UTP14A: variants seen among roughly 807,000 people sequenced by gnomAD.
UTP14A encodes UTP14A small subunit processome component.
A neutral mutation model predicts 57.2 loss-of-function variants in UTP14A; 5 were observed. The ratio of observed to expected loss-of-function variants is 0.09; its 90% CI spans 0.05 to 0.18. The LOEUF is 0.18. Among genes scored for constraint, UTP14A ranks in the 10% least tolerant of loss-of-function variants. UTP14A has a pLI of 1.00. For synonymous variants in UTP14A, 169 were observed against 210.9 expected (o/e 0.80, Z 1.72); for missense variants, 430 against 562.1 (o/e 0.76, Z 2.38).
intron 6 of UTP14A, chrX:129,913,488 C>A (rs934913949): frequency 9.8e-6 from 3 of 306,429 alleles, no homozygotes; most frequent in African/African-American, 8.3e-5. Context: ...ATCATTTTTA[C>A]CCCCATACTC....
chrX:129,922,001 A>T (rs1376624368), intron 11 of UTP14A: 1 of 123,295 alleles, frequency 8.1e-6, no homozygotes, highest in African/African-American at 3.2e-5. Context: ...GACATTAGGA[A>T]ACATTGTCTA....
chrX:129,924,817 G>A lies in UTP14A; in HGVS notation c.1371G>A (p.Leu457=), dbSNP rs373160231. ...ETKDSGSQEV[L]SELRVLSQKL... ...CAGATTCTGGCAGCCAGGAGGTGCT[G>A]TCTGAATTGAGAGTACTATCTCAGA... The change falls in exon 12 of 15, where the codon CTG becomes CTA. Residue 457 remains leucine (L), a synonymous_variant. Transcript: ENST00000394422. The A allele has an allele frequency of 1.6e-4, 187 of 1,198,630 alleles. No homozygotes were observed. Among genetic ancestry groups the A allele is most frequent in the Non-Finnish European group, 2.0e-4 (181 of 892,546 alleles).
At position 129,911,667 on chromosome X, in the gene UTP14A, T is replaced by C. The variant is rs751270542; in HGVS notation, c.382-99T>C. The stretch of plus-strand genomic sequence containing the variant: ...CTGATTCTAGCATCCTGATTCTTTC[T>C]TGGGCTAAGAAATGTTGCTTCCTAA... On this transcript the variant is annotated intron_variant, in intron 5 of 14. Coordinates refer to ENST00000394422, the MANE Select transcript of UTP14A (RefSeq NM_006649.4). 4 of 1,021,657 alleles carry C rather than the reference T, an allele frequency of 3.9e-6. No homozygotes were observed. The Admixed American group carries it at 1.0e-4, about 26-fold the overall frequency. The allele number at this position is 1,021,657 out of a possible 1,213,427, so 84.2% of individuals were successfully genotyped here.
intron 6 of UTP14A, among the ~76,000 whole-genome samples, chrX:129,915,524 CAA>C (rs778079199): frequency 2.5e-4 from 10 of 39,811 alleles, no homozygotes; most frequent in Non-Finnish European, 3.0e-4. Context: ...GACTCTGTCT[CAA>C]AAAAAAAAAA....
intron 8 of UTP14A, 44 bp downstream of exon 8, chrX:129,919,533 A>C: frequency 8.6e-7 from 1 of 1,167,099 alleles, no homozygotes. Context: ...CACAGAAGAA[A>C]GTCATGTGGT....
rs756476608 is a variant in UTP14A at position 129,929,657 on chromosome X, C to A, written c.*49C>A. On this transcript the variant is annotated 3_prime_UTR_variant, in exon 15 of 15. Transcript: ENST00000394422. ...GAGCCCTGACTTCACTTCCTTTGGTCCAGTTTTACTCTGATACAGGGTGGA... is the reference window on the plus strand; with the variant it reads ...GAGCCCTGACTTCACTTCCTTTGGTACAGTTTTACTCTGATACAGGGTGGA... The A allele has an allele frequency of 3.0e-5, 35 of 1,180,688 alleles. No individual in the cohort carries two copies. The highest frequency in any genetic ancestry group is 3.7e-5 in the Non-Finnish European group (32 of 875,714).
chrX:129,910,496 G>A (rs140336151), intron 4 of UTP14A, among the ~76,000 whole-genome samples: 33 of 111,013 alleles, frequency 3.0e-4, no homozygotes, highest in African/African-American at 1.1e-3. Context: ...GCTGGCCTGG[G>A]CAACATGGCA....
Position 129,920,503 on chromosome X carries a change from G to C in UTP14A, c.799G>C (p.Glu267Gln). Residue 267 changes from glutamate (E) to glutamine (Q), a missense_variant, in exon 9 of 15, where the codon GAG (glutamate) becomes CAG (glutamine). This residue lies in a region of UTP14A where 83 missense variants were observed against 140.4 expected (regional missense o/e 0.59). Coordinates refer to ENST00000394422, the MANE Select transcript of UTP14A (RefSeq NM_006649.4). ...AGGAAAGGCCAAGAAAGCCCTAAAAGAGTTTGAGCAGCTGCGGAAGGTTAA... is the reference window on the plus strand; with the variant it reads ...AGGAAAGGCCAAGAAAGCCCTAAAACAGTTTGAGCAGCTGCGGAAGGTTAA... ...KKGKAKKALK[E>Q]FEQLRKVNPA... The C allele has an allele frequency of 8.2e-7, 1 of 1,212,289 alleles. No individual in the cohort carries two copies. Among genetic ancestry groups the C allele is most frequent in the Non-Finnish European group, 1.1e-6 (1 of 895,668 alleles).
At chrX:129,928,211 C>T (rs1930174749) in intron 14 of UTP14A, among the ~76,000 whole-genome samples, 1 of 101,388 alleles carries the variant, frequency 9.9e-6, no homozygotes, top group Non-Finnish European at 2.0e-5. Flanking sequence ...CCCATCTCTA[C>T]TAAAAAAAAA....
rs745419974 is a variant in UTP14A at position 129,911,795 on chromosome X, C to T, written c.411C>T (p.Thr137=). The change falls in exon 6 of 15, where the codon ACC becomes ACT. Residue 137 remains threonine (T), a synonymous_variant. Coordinates refer to ENST00000394422, the MANE Select transcript of UTP14A (RefSeq NM_006649.4). ...ACAGAGAAGTAGCATTCAATAAAAC[C>T]GCACAAGTCCTCTCCAAATGGGACC... is the stretch of plus-strand genomic sequence containing the variant. ...RIHREVAFNK[T]AQVLSKWDPV... 2.4e-4 allele frequency: 288 copies of T among 1,209,240 alleles called. 2 individuals are homozygous for T. In the South Asian group the frequency reaches 3.8e-3, roughly 16 times the overall value.
At position 129,908,712 on chromosome X, in the gene UTP14A, A is replaced by C; in HGVS notation, c.216A>C (p.Ser72=). ...AERSEASLKV[S]EFNVSSEGSG... ...GGTCTGAGGCTAGTCTGAAGGTGTCAGAGTTCAATGTCAGTTCTGAAGGTA... is the reference window on the plus strand; with the variant it reads ...GGTCTGAGGCTAGTCTGAAGGTGTCCGAGTTCAATGTCAGTTCTGAAGGTA... The change falls in exon 4 of 15, where the codon TCA becomes TCC. Residue 72 remains serine (S), a synonymous_variant. Coordinates refer to ENST00000394422, the MANE Select transcript of UTP14A (RefSeq NM_006649.4). 3 of 1,211,763 alleles carry C rather than the reference A, an allele frequency of 2.5e-6. No homozygotes were observed. The highest frequency in any genetic ancestry group is 3.4e-6 in the Non-Finnish European group (3 of 895,276).
At position 129,920,550 on chromosome X, in the gene UTP14A, A is replaced by C. The variant is rs1473486346; in HGVS notation, c.846A>C (p.Glu282Asp). The change falls in exon 9 of 15, where the codon GAA (glutamate) becomes GAC (aspartate). Residue 282 changes from glutamate to aspartate, a missense_variant. Physicochemically the swap from Glu to Asp is conservative, Grantham distance 45 (BLOSUM62 2). This residue lies in a region of UTP14A where 83 missense variants were observed against 140.4 expected (regional missense o/e 0.59). Transcript: ENST00000394422. ...RKVNPAAALE[E>D]LEKIEKARMM... ...TTAATCCAGCTGCAGCACTAGAAGA[A>C]CTGGAAAAAATTGAAAAGGCCAGAA... The C allele has an allele frequency of 3.3e-6, 4 of 1,210,648 alleles. No homozygotes were observed. Among genetic ancestry groups the C allele is most frequent in the Non-Finnish European group, 2.2e-6 (2 of 895,448 alleles).
intron 10 of UTP14A, 155 bp downstream of exon 10, chrX:129,920,907 T>A (rs1925465407): frequency 9.3e-6 from 7 of 752,560 alleles, no homozygotes; most frequent in Non-Finnish European, 1.1e-5. Flanking sequence ...AGGAACAAGG[T>A]GGAAAAGGAG....
intron 6 of UTP14A, 36 bp from the exon 7 acceptor site, chrX:129,919,139 G>C (rs1417390650): frequency 6.6e-6 from 8 of 1,211,333 alleles, no homozygotes; most frequent in South Asian, 3.5e-5. Flanking sequence ...GTAAGAGCAT[G>C]GCTTAAGACT....
chrX:129,908,784 A>G (rs1362779622), intron 4 of UTP14A, 50 bp downstream of exon 4: 1 of 1,132,719 alleles, frequency 8.8e-7, no homozygotes, highest in Non-Finnish European at 1.2e-6. Context: ...TGGAGTTCCA[A>G]GGGCATTGTG....
rs760953356 is a variant in UTP14A, at chrX:129,925,103, A to G, written c.1657A>G (p.Lys553Glu). The G allele has an allele frequency of 1.7e-5, 20 of 1,209,822 alleles. No homozygotes were observed. In the East Asian group the frequency reaches 5.6e-4, roughly 34 times the overall value. Residue 553 changes from lysine to glutamate, a missense_variant, in exon 12 of 15, where the codon AAA becomes GAA. By Grantham distance (56) the Lys-to-Glu change is moderately conservative (BLOSUM62 1). Around this residue, in one of 4 missense-constraint regions of UTP14A, gnomAD observed 120 missense variants for 116.8 expected, o/e 1.03. Coordinates refer to ENST00000394422, the MANE Select transcript of UTP14A (RefSeq NM_006649.4). Reference sequence around the variant, plus strand: ...TCGCCCTGATGCCCCTAAGGAGAAGAAAAAGAAGGAGCAAATGATCGACCT... The same window carrying G: ...TCGCCCTGATGCCCCTAAGGAGAAGGAAAAGAAGGAGCAAATGATCGACCT... ...NNRPDAPKEK[K>E]KKEQMIDLQN...
chrX:129,922,456 T>A (rs1467096043), intron 11 of UTP14A: 1 of 111,905 alleles, frequency 8.9e-6, no homozygotes, highest in Non-Finnish European at 1.9e-5. Flanking sequence ...AGGGTTTTGC[T>A]CTGTCATCCA....
chrX:129,918,647 G>A (rs1929786698), intron 6 of UTP14A, among the ~76,000 whole-genome samples: 1 of 111,065 alleles, frequency 9.0e-6, no homozygotes, highest in Non-Finnish European at 1.9e-5. Flanking sequence ...GGAGGCCGAG[G>A]CGGGCGGATC....
At chrX:129,913,878 G>A (rs1025403859) in intron 6 of UTP14A, among the ~76,000 whole-genome samples, 1 of 111,733 alleles carries the variant, frequency 8.9e-6, no homozygotes, top group Non-Finnish European at 1.9e-5. Context: ...CTACTAGGGG[G>A]GCTGAGGCAG....
Sources: allele counts gnomAD v4.1 joint callset (sites outside exome capture counted in the v4.1 genomes callset), GRCh38; gene constraint gnomAD v4.1.1; regional missense constraint gnomAD v4.1.1; transcripts MANE v1.5; gene names NCBI Gene and HGNC (gene_info 2026-07-23, HGNC 2026-07-21).